GAK: variants seen among roughly 807,000 people sequenced by gnomAD.
GAK encodes the protein cyclin-G-associated kinase.
Under a neutral mutation model 143.9 loss-of-function variants are expected in GAK, and 79 were observed. The observed-to-expected ratio is 0.55, with a 90% CI of 0.46 to 0.66. The LOEUF is 0.66. GAK is among the 30% of genes least tolerant of loss of function. The pLI, the probability that GAK is intolerant of heterozygous loss-of-function variation, is 0.00. For missense variants in GAK, 1,693 were observed against 1,779.7 expected, an observed-to-expected ratio of 0.95 and a Z score of 0.88; for synonymous variants, 881 against 765.5, an observed-to-expected ratio of 1.15 and a Z score of -2.49.
intron 1 of GAK, among the ~76,000 whole-genome samples, chr4:926,498 T>C (rs902923889): frequency 2.6e-5 from 4 of 152,214 alleles, no homozygotes. Context: ...CACTTTTCTC[T>C]TCTGCGAGAT....
At chr4:890,756 G>T in intron 9 of GAK, 134 bp from the exon 10 acceptor site, 1 of 651,668 alleles carries the variant, frequency 1.5e-6, no homozygotes, top group Non-Finnish European at 2.6e-6. Flanking sequence ...GTGCAAGGGA[G>T]GAACTTCCCA....
chr4:908,437 A>T (rs1420099896), intron 4 of GAK, among the ~76,000 whole-genome samples: 1 of 152,178 alleles, frequency 6.6e-6, no homozygotes, highest in Non-Finnish European at 1.5e-5. Flanking sequence ...CCTTGGTGGG[A>T]GGATCACCTG....
At chr4:861,979 C>T (rs1028010641) in intron 23 of GAK, among the ~76,000 whole-genome samples, 1 of 152,250 alleles carries the variant, frequency 6.6e-6, no homozygotes, top group Admixed American at 6.5e-5. Flanking sequence ...GCCGTCTCTG[C>T]AACGTACAAG....
intron 16 of GAK, among the ~76,000 whole-genome samples, 159 bp downstream of exon 16, chr4:877,456 T>G (rs1412422269): frequency 2.6e-5 from 4 of 152,196 alleles, no homozygotes; most frequent in Non-Finnish European, 5.9e-5. Context: ...GACCTCCTGC[T>G]GCTGACCAGG....
At chr4:926,236 A>G (rs965475854) in intron 1 of GAK, among the ~76,000 whole-genome samples, 1 of 152,180 alleles carries the variant, frequency 6.6e-6, no homozygotes, top group Non-Finnish European at 1.5e-5. Context: ...CTGTATGTTA[A>G]CAGACAGAAA....
chr4:889,043 GC>G (rs1448179982), intron 10 of GAK, 73 bp from the exon 11 acceptor site: 2 of 1,503,282 alleles, frequency 1.3e-6, no homozygotes, highest in Admixed American at 4.1e-5. Context: ...TGCTGGCTGG[GC>G]CCAGGCCCCA....
intron 1 of GAK, among the ~76,000 whole-genome samples, chr4:918,908 A>G (rs1227440598): frequency 1.7e-5 from 2 of 115,618 alleles, no homozygotes; most frequent in Admixed American, 8.5e-5. Flanking sequence ...GACCTTAGAA[A>G]GACAGAAGGC....
At chr4:863,208 G>A (rs141508507) in intron 23 of GAK, among the ~76,000 whole-genome samples, 9 of 152,366 alleles carry the variant, frequency 5.9e-5, no homozygotes, top group African/African-American at 1.9e-4. Context: ...TGCAGATGTG[G>A]TGGAAACAGC....
intron 7 of GAK, among the ~76,000 whole-genome samples, chr4:895,976 G>C (rs929760493): frequency 6.6e-6 from 1 of 152,226 alleles, no homozygotes; most frequent in Admixed American, 6.5e-5. Context: ...AGTAGTCAAG[G>C]TTGGGCAGGG....
intron 27 of GAK, 57 bp downstream of exon 27, chr4:849,834 AC>A (rs33919242): frequency 0.48 from 449,685 of 940,318 alleles, 96,300 homozygotes; most frequent in East Asian, 0.69. Flanking sequence ...GCGGGGCAGG[AC>A]CCCCCCCCCG....
intron 11 of GAK, chr4:886,327 C>G (rs539508202): frequency 6.6e-6 from 1 of 152,312 alleles, no homozygotes; most frequent in African/African-American, 2.4e-5. Context: ...GGCCTGGAAC[C>G]CATGGGTCCC....
At chr4:858,015 T>C (rs1174383499) in intron 24 of GAK, among the ~76,000 whole-genome samples, 2 of 152,108 alleles carry the variant, frequency 1.3e-5, no homozygotes, top group Admixed American at 6.5e-5. Flanking sequence ...CGTTTGAAAG[T>C]GTGCTGTTTT....
intron 1 of GAK, among the ~76,000 whole-genome samples, chr4:915,334 A>AG (rs1213239255): frequency 1.3e-5 from 2 of 152,254 alleles, no homozygotes; most frequent in Non-Finnish European, 2.9e-5. Flanking sequence ...GGTCAATAGA[A>AG]GGAAAAACAA....
chr4:884,598 C>T (rs1715884516), intron 11 of GAK, among the ~76,000 whole-genome samples: 3 of 152,236 alleles, frequency 2.0e-5, no homozygotes, highest in Admixed American at 6.5e-5. Flanking sequence ...GCTGTGGCCA[C>T]AGCCAACTCT....
At position 849,845 on chromosome 4, in the gene GAK, G is replaced by A. The variant is rs757322666; in HGVS notation, c.3834+47C>T. 176 of 1,034,790 alleles carry A rather than the reference G, an allele frequency of 1.7e-4. 3 individuals carry two copies. The highest frequency in any genetic ancestry group is 4.9e-4 in the African/African-American group (21 of 43,080). 64.1% of individuals were successfully genotyped at this position (1,034,790 alleles called of 1,614,324 possible). On this transcript the variant is annotated intron_variant, in intron 27 of 27. Transcript: ENST00000314167. ...GCGGGCGGGGCAGGACCCCCCCCCCGCCCCGCCCCTGAAGGCCTCAAGCGG... is the reference window on the plus strand; with the variant it reads ...GCGGGCGGGGCAGGACCCCCCCCCCACCCCGCCCCTGAAGGCCTCAAGCGG...
intron 9 of GAK, among the ~76,000 whole-genome samples, chr4:891,813 GAGC>G (rs1717726925): frequency 6.6e-6 from 1 of 152,186 alleles, no homozygotes; most frequent in Non-Finnish European, 1.5e-5. Context: ...GGCTGCTAAA[GAGC>G]AGGACGGCCC....
chr4:910,595 G>A lies in GAK; in HGVS notation c.382+1078C>T, dbSNP rs531704364. On this transcript the variant is annotated intron_variant, in intron 4 of 27. Coordinates refer to ENST00000314167, the MANE Select transcript of GAK (RefSeq NM_005255.4). ...TTCAGGCCTGCGCTAGCCGGCCTGC[G>A]GGAACAGCTCCTCCTGGCTGCTGAG... Among the ~76,000 whole-genome samples the A allele has an allele frequency of 6.6e-5, 10 of 152,176 alleles. No individual in the cohort carries two copies. The South Asian group carries it at 1.9e-3, about 28-fold the overall frequency.
chr4:921,627 A>G (rs1243133330), intron 1 of GAK, among the ~76,000 whole-genome samples: 6 of 152,320 alleles, frequency 3.9e-5, no homozygotes, highest in African/African-American at 1.2e-4. Context: ...TCGTAAAAGG[A>G]AAAATAAATC....
chr4:920,891 A>G (rs1222565377), intron 1 of GAK, among the ~76,000 whole-genome samples: 1 of 152,176 alleles, frequency 6.6e-6, no homozygotes, highest in South Asian at 2.1e-4. Context: ...ATAGTAGGAC[A>G]TAGGTGTTCG....
Sources: gnomAD v4.1 joint callset for allele counts (sites outside exome capture counted in the v4.1 genomes callset) on GRCh38, gnomAD v4.1.1 for gene constraint, MANE v1.5 for transcripts, NCBI Gene and HGNC (gene_info 2026-07-23, HGNC 2026-07-21) for gene names.